CAMTA1: variants seen among roughly 807,000 people sequenced by gnomAD.
The protein encoded by CAMTA1 is calmodulin binding transcription activator 1.
A neutral mutation model predicts 170.9 loss-of-function variants in CAMTA1; 27 were observed. That is an observed-to-expected ratio of 0.16 (90% CI 0.12 to 0.22). The LOEUF (loss-of-function observed/expected upper bound fraction) is 0.22, where lower values mean the gene tolerates loss of function less well. CAMTA1 is among the 10% of genes least tolerant of loss of function. The probability of loss-of-function intolerance (pLI) is 1.00; values close to 1 mark genes in which losing one functional copy is unlikely to be tolerated. For missense variants in CAMTA1, 1,619 were observed against 2,217.2 expected, an observed-to-expected ratio of 0.73 and a Z score of 5.42; for synonymous variants, 833 against 891.5, an observed-to-expected ratio of 0.93 and a Z score of 1.17.
At chr1:7,501,618 G>T (rs899147888) in intron 6 of CAMTA1, among the ~76,000 whole-genome samples, 2 of 149,634 alleles carry the variant, frequency 1.3e-5, no homozygotes, top group East Asian at 3.9e-4. Context: ...ATAAACAACA[G>T]TTTTTTTTTT....
chr1:7,569,293 C>A (rs953627051), intron 6 of CAMTA1, among the ~76,000 whole-genome samples: 12 of 149,380 alleles, frequency 8.0e-5, no homozygotes, highest in Non-Finnish European at 1.5e-4. Flanking sequence ...ATCACCACCA[C>A]CAACCATCAT....
chr1:7,367,914 G>A (rs2086112662), intron 5 of CAMTA1, among the ~76,000 whole-genome samples: 1 of 151,624 alleles, frequency 6.6e-6, no homozygotes, highest in Non-Finnish European at 1.5e-5. Flanking sequence ...ACAGACACTG[G>A]GCACTTATGG....
chr1:7,188,891 T>C (rs1474330819), intron 4 of CAMTA1, among the ~76,000 whole-genome samples: 2 of 152,206 alleles, frequency 1.3e-5, no homozygotes, highest in African/African-American at 4.8e-5. Flanking sequence ...ATTATACCAT[T>C]TTCCATAGCA....
At chr1:6,951,368 C>A (rs1205337600) in intron 3 of CAMTA1, among the ~76,000 whole-genome samples, 2 of 152,158 alleles carry the variant, frequency 1.3e-5, no homozygotes, top group Non-Finnish European at 2.9e-5. Flanking sequence ...GCTCTCTCAT[C>A]TCTAAAATTT....
At chr1:6,840,458 A>C (rs891017990) in intron 3 of CAMTA1, among the ~76,000 whole-genome samples, 1 of 151,982 alleles carries the variant, frequency 6.6e-6, no homozygotes, top group Non-Finnish European at 1.5e-5. Context: ...ATGGGATTGG[A>C]TGTAGGGGGT....
intron 3 of CAMTA1, among the ~76,000 whole-genome samples, chr1:7,056,696 C>T (rs1707374251): frequency 1.3e-5 from 2 of 152,086 alleles, no homozygotes; most frequent in South Asian, 4.2e-4. Flanking sequence ...ACTCCCAGAG[C>T]CCACCCTTGG....
intron 21 of CAMTA1, among the ~76,000 whole-genome samples, chr1:7,752,963 A>C (rs2096907956): frequency 6.6e-6 from 1 of 152,218 alleles, no homozygotes; most frequent in African/African-American, 2.4e-5. Context: ...ATTCCAAACA[A>C]GTTTTCTGAT....
intron 5 of CAMTA1, among the ~76,000 whole-genome samples, chr1:7,352,987 G>A (rs2084800644): frequency 6.6e-6 from 1 of 152,184 alleles, no homozygotes; most frequent in Admixed American, 6.5e-5. Flanking sequence ...CAGAGCATCT[G>A]TAGGTCCCAG....
chr1:7,636,750 C>T (rs2095715525), intron 6 of CAMTA1, among the ~76,000 whole-genome samples: 1 of 151,922 alleles, frequency 6.6e-6, no homozygotes, highest in South Asian at 2.1e-4. Context: ...TTTGTGGACC[C>T]AGAAAACTGA....
chr1:7,755,447 A>G (rs763316831), intron 21 of CAMTA1, among the ~76,000 whole-genome samples, 191 bp from the exon 22 acceptor site: 3 of 151,786 alleles, frequency 2.0e-5, no homozygotes, highest in Non-Finnish European at 2.9e-5. Flanking sequence ...TATGACCCCA[A>G]TTTTTTAAGA....
rs1251201498 is a variant in CAMTA1, at chr1:6,874,784, A to G, written c.234+49574A>G. Among the ~76,000 whole-genome samples, 8 of 152,298 alleles carry G rather than the reference A, an allele frequency of 5.3e-5. No homozygotes were observed. The East Asian group carries it at 1.4e-3, about 26-fold the overall frequency. ...TTGGCTATGGAGGGACAAGGAAGGAAACCTGAGGGACAGACCCACCTTTTA... is the reference window on the plus strand; with the variant it reads ...TTGGCTATGGAGGGACAAGGAAGGAGACCTGAGGGACAGACCCACCTTTTA... On this transcript the variant is annotated intron_variant, in intron 3 of 22. Transcript: ENST00000303635.
At chr1:7,579,721 G>A (rs1012481013) in intron 6 of CAMTA1, among the ~76,000 whole-genome samples, 32 of 151,630 alleles carry the variant, frequency 2.1e-4, no homozygotes, top group African/African-American at 6.5e-4. Flanking sequence ...CACCATGCCC[G>A]GCTAATTTTT....
intron 3 of CAMTA1, among the ~76,000 whole-genome samples, chr1:7,042,400 G>T (rs1346035438): frequency 1.3e-5 from 2 of 152,190 alleles, no homozygotes; most frequent in East Asian, 1.9e-4. Flanking sequence ...TGATTCCAGT[G>T]GGGGGAAAGG....
intron 11 of CAMTA1, among the ~76,000 whole-genome samples, chr1:7,720,958 C>T (rs1332590006): frequency 6.6e-6 from 1 of 152,188 alleles, no homozygotes; most frequent in Non-Finnish European, 1.5e-5. Context: ...ATATGAGCCA[C>T]CTGGACTGCA....
At chr1:7,550,651 TG>T (rs1418238914) in intron 6 of CAMTA1, among the ~76,000 whole-genome samples, 1 of 136,276 alleles carries the variant, frequency 7.3e-6, no homozygotes, top group Non-Finnish European at 1.6e-5. Flanking sequence ...CACACCTACC[TG>T]GCCTCCTCGC....
At position 7,216,990 on chromosome 1, in the gene CAMTA1, A is replaced by T. The variant is rs1659857528; in HGVS notation, c.303-32501A>T. Among the ~76,000 whole-genome samples the T allele has an allele frequency of 6.6e-6, 1 of 152,086 alleles. No homozygotes were observed. The highest frequency in any genetic ancestry group is 2.4e-5 in the African/African-American group (1 of 41,408). Reference sequence around the variant, plus strand: ...TTGCAATACTTGTTTTGTTATTTCCATTTGCCTCATATGTCTTTGCCATCC... The same window carrying T: ...TTGCAATACTTGTTTTGTTATTTCCTTTTGCCTCATATGTCTTTGCCATCC... On this transcript the variant is annotated intron_variant, in intron 4 of 22. Coordinates refer to ENST00000303635, the MANE Select transcript of CAMTA1 (RefSeq NM_015215.4). This position sits in a 1 kb window ranked among gnomAD's most constrained non-coding sequence, Gnocchi z 4.0.
chr1:6,961,997 T>C (rs974993367), intron 3 of CAMTA1, among the ~76,000 whole-genome samples: 1 of 152,204 alleles, frequency 6.6e-6, no homozygotes, highest in African/African-American at 2.4e-5. Flanking sequence ...GGCAGTCCTT[T>C]GCCCTGTCGG....
chr1:7,607,102 T>G (rs1350943505), intron 6 of CAMTA1, among the ~76,000 whole-genome samples: 1 of 151,100 alleles, frequency 6.6e-6, no homozygotes, highest in Non-Finnish European at 1.5e-5. Flanking sequence ...GATGGAGGAG[T>G]AGGTGGGTAG....
chr1:7,572,703 C>G (rs2095139420), intron 6 of CAMTA1, among the ~76,000 whole-genome samples: 1 of 152,180 alleles, frequency 6.6e-6, no homozygotes, highest in Admixed American at 6.5e-5. Flanking sequence ...TCAATCATCT[C>G]CCAAACCCCC....
Sources: allele counts gnomAD v4.1 joint callset (sites outside exome capture counted in the v4.1 genomes callset), GRCh38; gene constraint gnomAD v4.1.1; non-coding constraint Gnocchi (gnomAD v3.1); transcripts MANE v1.5; gene names NCBI Gene and HGNC (gene_info 2026-07-23, HGNC 2026-07-21).